FBN1: variants seen among roughly 807,000 people sequenced by gnomAD.
The protein encoded by FBN1 is fibrillin-1.
Under a neutral mutation model 365.1 loss-of-function variants are expected in FBN1, and 29 were observed. The ratio of observed to expected loss-of-function variants is 0.08; its 90% CI spans 0.06 to 0.11. FBN1 has a LOEUF of 0.11. FBN1 is among the 10% of genes least tolerant of loss of function. The probability of loss-of-function intolerance (pLI) is 1.00; values close to 1 mark genes in which losing one functional copy is unlikely to be tolerated. For missense variants in FBN1, 2,476 were observed against 3,703.2 expected, an observed-to-expected ratio of 0.67 and a Z score of 8.60; for synonymous variants, 1,210 against 1,270.5, an observed-to-expected ratio of 0.95 and a Z score of 1.01.
chr15:48,444,605 G>C lies in FBN1; in HGVS notation c.5973C>G (p.Asn1991Lys). 6.2e-7 allele frequency: 1 copy of C among 1,613,574 alleles called. No individual in the cohort carries two copies. Among genetic ancestry groups the C allele is most frequent in the South Asian group, 1.1e-5 (1 of 91,078 alleles). ...PRKCAPGTCQ[N>K]LDGSYRCICP... ...AAATGCATCTGTAGGACCCATCCAAGTTTTGACAGGTACCTGGTGCACATT... is the reference window on the plus strand; with the variant it reads ...AAATGCATCTGTAGGACCCATCCAACTTTTGACAGGTACCTGGTGCACATT... Residue 1991 changes from asparagine to lysine, a missense_variant, in exon 49 of 66, where the codon AAC becomes AAG. Coordinates refer to ENST00000316623, the MANE Select transcript of FBN1 (RefSeq NM_000138.5).
intron 6 of FBN1, among the ~76,000 whole-genome samples, chr15:48,581,418 G>C (rs16961186): frequency 0.033 from 5,063 of 152,214 alleles, 285 homozygotes; most frequent in East Asian, 0.24. Context: ...CCCGGGCAGC[G>C]TGACACAGCA....
intron 30 of FBN1, among the ~76,000 whole-genome samples, chr15:48,484,880 A>G (rs910089515): frequency 4.6e-5 from 7 of 152,252 alleles, no homozygotes; most frequent in Non-Finnish European, 1.0e-4. Flanking sequence ...AGTGTAAATT[A>G]GACCACTGGT....
rs140589 is a variant in FBN1 at position 48,490,107 on chromosome 15, T to C, written c.2855-29A>G. Reference sequence around the variant, plus strand: ...TCAGAGGGAATCAAGGGAGGTTAAATAGAGCCACACGGCTTCCACTGCCCC... The same window carrying C: ...TCAGAGGGAATCAAGGGAGGTTAAACAGAGCCACACGGCTTCCACTGCCCC... On this transcript the variant is annotated intron_variant, in intron 24 of 65. Coordinates refer to ENST00000316623, the MANE Select transcript of FBN1 (RefSeq NM_000138.5). 1,950 of 1,600,204 alleles carry C rather than the reference T, an allele frequency of 1.2e-3. 18 individuals are homozygous for C. In the African/African-American group the frequency reaches 0.024, roughly 20 times the overall value.
intron 6 of FBN1, among the ~76,000 whole-genome samples, chr15:48,572,520 T>C (rs2044314068): frequency 6.6e-6 from 1 of 151,052 alleles, no homozygotes; most frequent in African/African-American, 2.4e-5. Context: ...TTAATTAGTT[T>C]GTTAAAAAAA....
At chr15:48,468,327 C>A in intron 37 of FBN1, 85 bp downstream of exon 37, 1 of 1,554,104 alleles carries the variant, frequency 6.4e-7, no homozygotes, top group Admixed American at 1.7e-5. Flanking sequence ...ATTCATTTTG[C>A]AAACTTTGAG....
chr15:48,470,914 T>A (rs1020717706), intron 35 of FBN1, among the ~76,000 whole-genome samples, 158 bp from the exon 36 acceptor site: 3 of 152,212 alleles, frequency 2.0e-5, no homozygotes, highest in Non-Finnish European at 4.4e-5. Flanking sequence ...TGATTTGCCA[T>A]GCACAGTGAA....
At chr15:48,516,072 A>G (rs1331935771) in intron 11 of FBN1, 111 bp downstream of exon 11, 4 of 1,101,066 alleles carry the variant, frequency 3.6e-6, no homozygotes, top group Non-Finnish European at 5.4e-6. Flanking sequence ...CCAAAAATTA[A>G]TATAACAATT....
At chr15:48,520,918 G>T in intron 9 of FBN1, 101 bp from the exon 10 acceptor site, 1 of 1,503,902 alleles carries the variant, frequency 6.6e-7, no homozygotes, top group Non-Finnish European at 9.1e-7. Context: ...CTGGGGCTAC[G>T]GCAGGATTAA....
chr15:48,488,212 G>A lies in FBN1; in HGVS notation c.3238C>T (p.Leu1080Phe). 6.2e-7 allele frequency: 1 copy of A among 1,614,208 alleles called. No individual in the cohort carries two copies. Among genetic ancestry groups the A allele is most frequent in the Non-Finnish European group, 8.5e-7 (1 of 1,180,034 alleles). The change falls in exon 27 of 66, where the codon CTC becomes TTC. Residue 1080 changes from leucine to phenylalanine, a missense_variant. Physicochemically the swap from Leu to Phe is conservative, Grantham distance 22. Coordinates refer to ENST00000316623, the MANE Select transcript of FBN1 (RefSeq NM_000138.5). ...DIDECRISPDLCGRGQCVNTP... is the reference protein window; with the variant it reads ...DIDECRISPDFCGRGQCVNTP... Reference sequence around the variant, plus strand: ...TTCACACACTGGCCTCTGCCACAGAGGTCAGGAGATATGCGGCATTCGTCA... The same window carrying A: ...TTCACACACTGGCCTCTGCCACAGAAGTCAGGAGATATGCGGCATTCGTCA...
chr15:48,454,522 T>C (rs977544125), intron 44 of FBN1, among the ~76,000 whole-genome samples: 8 of 152,236 alleles, frequency 5.3e-5, no homozygotes, highest in Non-Finnish European at 8.8e-5. Context: ...CAAAAGTTAC[T>C]ACATGTCCAT....
At chr15:48,434,386 C>T (rs1353966485) in intron 54 of FBN1, among the ~76,000 whole-genome samples, 2 of 150,824 alleles carry the variant, frequency 1.3e-5, no homozygotes, top group African/African-American at 4.9e-5. Flanking sequence ...TGTAGATGTG[C>T]CATGAACACA....
chr15:48,504,972 T>C, intron 16 of FBN1, 53 bp downstream of exon 16: 1 of 1,612,428 alleles, frequency 6.2e-7, no homozygotes, highest in East Asian at 2.2e-5. Context: ...TGGGCTTTAT[T>C]GAGTGACAGA....
rs2042849617 is a variant in FBN1 at position 48,410,254 on chromosome 15, A to C, written c.*736T>G. On this transcript the variant is annotated 3_prime_UTR_variant, in exon 66 of 66. Coordinates refer to ENST00000316623, the MANE Select transcript of FBN1 (RefSeq NM_000138.5). ...CCAGACCTCTATGCACGTGTGGGCC[A>C]GTCACCGAAATTTCATTACCACTTG... 6.5e-6 allele frequency: 1 copy of C among 152,714 alleles called. No individual in the cohort carries two copies. The allele number at this position is 152,714 out of a possible 1,614,324, so 9.5% of individuals were successfully genotyped here.
At chr15:48,590,288 C>T (rs1175910207) in intron 6 of FBN1, among the ~76,000 whole-genome samples, 8 of 152,132 alleles carry the variant, frequency 5.3e-5, no homozygotes. Flanking sequence ...GCTCTCTAAA[C>T]AGGTCTTGAG....
intron 47 of FBN1, 104 bp from the exon 48 acceptor site, chr15:48,445,608 T>C: frequency 7.9e-7 from 1 of 1,258,342 alleles, no homozygotes; most frequent in Non-Finnish European, 1.1e-6. Flanking sequence ...TGAATTTTAG[T>C]GGCCTTTGCT....
At chr15:48,517,241 T>G (rs1349845670) in intron 10 of FBN1, among the ~76,000 whole-genome samples, 1 of 152,200 alleles carries the variant, frequency 6.6e-6, no homozygotes, top group Non-Finnish European at 1.5e-5. Flanking sequence ...GAATCAAGGC[T>G]AGACGTGAGT....
intron 36 of FBN1, among the ~76,000 whole-genome samples, chr15:48,469,539 TACTC>T (rs1297490492): frequency 7.9e-5 from 12 of 152,156 alleles, no homozygotes; most frequent in Middle Eastern, 3.4e-3. Context: ...ACTCATGAAA[TACTC>T]AAGAATAGAC....
At chr15:48,544,050 A>G (rs1566923668) in intron 6 of FBN1, among the ~76,000 whole-genome samples, 1 of 152,144 alleles carries the variant, frequency 6.6e-6, no homozygotes. Context: ...ATTATTCAAT[A>G]TAAGTGGAAA....
intron 6 of FBN1, among the ~76,000 whole-genome samples, chr15:48,544,537 A>C (rs2044080991): frequency 1.3e-5 from 2 of 152,216 alleles, no homozygotes; most frequent in African/African-American, 4.8e-5. Context: ...CTTAAATGTA[A>C]ATGTCATTCA....
Sources: allele counts gnomAD v4.1 joint callset (sites outside exome capture counted in the v4.1 genomes callset), GRCh38; gene constraint gnomAD v4.1.1; transcripts MANE v1.5; gene names NCBI Gene and HGNC (gene_info 2026-07-23, HGNC 2026-07-21).